Variants in FOXP4 observed in about 807,000 individuals in gnomAD.
FOXP4 encodes the protein forkhead box P4.
A neutral mutation model predicts 82.6 loss-of-function variants in FOXP4; 25 were observed. The observed-to-expected ratio is 0.30, with a 90% confidence interval of 0.22 to 0.42. The LOEUF is 0.42. FOXP4 is among the 10% of genes least tolerant of loss of function. FOXP4 has a pLI of 1.00. For missense variants in FOXP4, 785 were observed against 900.9 expected (o/e 0.87, Z 1.65); for synonymous variants, 415 against 388.2 (o/e 1.07, Z -0.81).
Position 41,565,841 on chromosome 6 carries a change from C to A in FOXP4, c.81C>A (p.Ala27=), listed in dbSNP as rs2104506. The change falls in exon 2 of 17, where the codon GCC becomes GCA. Residue 27 remains alanine (A), a synonymous_variant. Transcript: ENST00000307972. ...GCGTGGGCAGCCTCTCTGGGCAAGC[C>A]GATGGCAGCAGCGGCGGGGCCACAG... The part of the protein sequence containing the change: ...QNGVGSLSGQ[A]DGSSGGATGT... The A allele has an allele frequency of 0.29, 473,593 of 1,613,620 alleles. 71,932 individuals carry two copies. The highest frequency in any genetic ancestry group is 0.47 in the African/African-American group (35,534 of 74,878).
At chr6:41,577,197 C>T (rs1268344582) in intron 2 of FOXP4, among the ~76,000 whole-genome samples, 1 of 152,150 alleles carries the variant, frequency 6.6e-6, no homozygotes, top group Non-Finnish European at 1.5e-5. Flanking sequence ...CAGTCTAAGC[C>T]ACTGTGGCCA....
intron 1 of FOXP4, among the ~76,000 whole-genome samples, chr6:41,552,105 T>C (rs1269188997): frequency 1.3e-5 from 2 of 152,162 alleles, no homozygotes; most frequent in Non-Finnish European, 2.9e-5. Flanking sequence ...GCTTCCGTTC[T>C]CATCTCCTCA....
At chr6:41,587,690 T>G in intron 7 of FOXP4, 103 bp from the exon 8 acceptor site, 1 of 933,648 alleles carries the variant, frequency 1.1e-6, no homozygotes, top group Non-Finnish European at 1.6e-6. Flanking sequence ...AAACCTGTAT[T>G]GGGGCAGAAA....
chr6:41,597,279 C>G (rs774732593), intron 15 of FOXP4, 37 bp downstream of exon 15: 1 of 1,604,818 alleles, frequency 6.2e-7, no homozygotes, highest in Admixed American at 1.7e-5. Flanking sequence ...ACCTCTACCT[C>G]CCGCCCCCTT....
In FOXP4 at chr6:41,546,673, C is replaced by G. The variant is rs6935737; in HGVS notation, c.-211C>G. The G allele has an allele frequency of 0.38, 55,944 of 147,118 alleles. 11,612 individuals are homozygous for G. The highest frequency in any genetic ancestry group is 0.55 in the African/African-American group (22,629 of 41,002). The allele number at this position is 147,118 out of a possible 1,614,324, so 9.1% of individuals were successfully genotyped here. A position where few individuals can be genotyped will look rare whatever the true frequency, so the allele number is the denominator to read the frequency against. ...GCGAGCCAAGCAGCCCACAAAGTGC[C>G]ATGCCCCGGCGGGGTTGAGGCGCGC... is the stretch of plus-strand genomic sequence containing the variant. On this transcript the variant is annotated 5_prime_UTR_variant, in exon 1 of 17. Transcript: ENST00000307972.
chr6:41,548,234 G>T (rs1325690), intron 1 of FOXP4: 11,171 of 152,158 alleles, frequency 0.073, 823 homozygotes, highest in East Asian at 0.18. Context: ...GCACCCCAAC[G>T]TCTAGTCTCC....
At chr6:41,571,729 C>G (rs1234881254) in intron 2 of FOXP4, among the ~76,000 whole-genome samples, 2 of 152,096 alleles carry the variant, frequency 1.3e-5, no homozygotes, top group African/African-American at 2.4e-5. Flanking sequence ...TTTATGGTCT[C>G]CTCTCCCCAC....
At chr6:41,561,326 A>C (rs1008596530) in intron 1 of FOXP4, among the ~76,000 whole-genome samples, 5 of 150,220 alleles carry the variant, frequency 3.3e-5, no homozygotes, top group Admixed American at 2.0e-4. Flanking sequence ...GCTATCTCCC[A>C]TTTGCCCCCA....
chr6:41,598,899 AC>A lies in FOXP4; in HGVS notation c.2008del (p.Leu670TrpfsTer15). 1 of 1,607,614 alleles carries A rather than the reference AC, an allele frequency of 6.2e-7. No individual in the cohort carries two copies. The highest frequency in any genetic ancestry group is 1.1e-5 in the South Asian group (1 of 89,360). ...GCCTCGGGGCCTCCGGAAGACAGGGACCTGGAGGAGGAGCTGCCGGGAGAAG... is the reference window on the plus strand; with the variant it reads ...GCCTCGGGGCCTCCGGAAGACAGGGACTGGAGGAGGAGCTGCCGGGAGAAG... The part of the protein sequence containing the change: ...PSASGPPEDR[D>X]LEEELPGEEL... On this transcript the variant is annotated frameshift_variant, in exon 17 of 17. Coordinates refer to ENST00000307972, the MANE Select transcript of FOXP4 (RefSeq NM_001012426.2). LOFTEE classifies it high-confidence loss of function.
chr6:41,554,526 T>A (rs1764170301), intron 1 of FOXP4, among the ~76,000 whole-genome samples: 1 of 152,064 alleles, frequency 6.6e-6, no homozygotes, highest in Non-Finnish European at 1.5e-5. Flanking sequence ...TCCCCAGTAT[T>A]CCTCAAGGAG....
At position 41,594,854 on chromosome 6, in the gene FOXP4, T is replaced by C. The variant is rs1456373827; in HGVS notation, c.1537-16T>C. ...CAAGCAAGCCGCCTCTGAGCTCCTC[T>C]TCACTGCACCCACAGAACGCCGTGC... is the stretch of plus-strand genomic sequence containing the variant. On this transcript the variant is annotated splice_polypyrimidine_tract_variant and intron_variant, in intron 13 of 16. Coordinates refer to ENST00000307972, the MANE Select transcript of FOXP4 (RefSeq NM_001012426.2). 6.2e-7 allele frequency: 1 copy of C among 1,613,744 alleles called. No homozygotes were observed. The highest frequency in any genetic ancestry group is 1.1e-5 in the South Asian group (1 of 91,080).
chr6:41,560,622 C>T (rs1187991495), intron 1 of FOXP4, among the ~76,000 whole-genome samples: 1 of 152,238 alleles, frequency 6.6e-6, no homozygotes, highest in Non-Finnish European at 1.5e-5. Context: ...AAACTCCGGG[C>T]ATCCATCAGT....
Position 41,590,372 on chromosome 6 carries a change from G to T in FOXP4, c.1434+25G>T, listed in dbSNP as rs774810470. 3 of 1,610,808 alleles carry T rather than the reference G, an allele frequency of 1.9e-6. No homozygotes were observed. In the South Asian group the frequency reaches 3.3e-5, roughly 18 times the overall value. On this transcript the variant is annotated intron_variant, in intron 12 of 16. Coordinates refer to ENST00000307972, the MANE Select transcript of FOXP4 (RefSeq NM_001012426.2). ...GGTGAGCAGGGCAGGTAGGAGGAGG[G>T]TGGGGAATGGCACACAGGCTGCTCC...
chr6:41,586,274 C>T (rs1766111852), intron 5 of FOXP4, among the ~76,000 whole-genome samples: 1 of 152,126 alleles, frequency 6.6e-6, no homozygotes, highest in Non-Finnish European at 1.5e-5. Flanking sequence ...CCAGCCCCCA[C>T]CCTACCCCAT....
rs778609898 is a variant in FOXP4 at position 41,590,342 on chromosome 6, C to T, written c.1429C>T (p.Arg477Cys). 5.6e-6 allele frequency: 9 copies of T among 1,613,726 alleles called. No homozygotes were observed. Among genetic ancestry groups the T allele is most frequent in the East Asian group, 2.2e-5 (1 of 44,894 alleles). The change falls in exon 12 of 17, where the codon CGC becomes TGC. Residue 477 changes from arginine to cysteine, a missense_variant. By Grantham distance (180) the Arg-to-Cys change is radical (BLOSUM62 -3). Around this residue, in one of 3 missense-constraint regions of FOXP4, gnomAD observed 570 missense variants for 634.0 expected, o/e 0.90. Coordinates refer to ENST00000307972, the MANE Select transcript of FOXP4 (RefSeq NM_001012426.2). ...CCCCTTCACCTACGCCTCCCTCATC[C>T]GCCAGGTGAGCAGGGCAGGTAGGAG... ...RPPFTYASLI[R>C]QAILETPDRQ...
At chr6:41,597,755 C>T (rs369370378) in intron 15 of FOXP4, 26 bp from the exon 16 acceptor site, 69 of 1,599,594 alleles carry the variant, frequency 4.3e-5, no homozygotes, top group South Asian at 7.8e-5. Context: ...GAGCCACTGA[C>T]GAGGCCCAAC....
At chr6:41,561,740 G>A (rs1214340227) in intron 1 of FOXP4, among the ~76,000 whole-genome samples, 2 of 152,242 alleles carry the variant, frequency 1.3e-5, no homozygotes, top group African/African-American at 4.8e-5. Flanking sequence ...GTGCCTACCA[G>A]TATTCACTTA....
At chr6:41,568,061 T>C (rs900113411) in intron 2 of FOXP4, among the ~76,000 whole-genome samples, 6 of 152,244 alleles carry the variant, frequency 3.9e-5, no homozygotes, top group African/African-American at 1.4e-4. Context: ...CCATGGGCTA[T>C]TCCTCTGCCC....
intron 2 of FOXP4, among the ~76,000 whole-genome samples, chr6:41,575,564 G>T (rs959768466): frequency 2.6e-5 from 4 of 152,144 alleles, no homozygotes; most frequent in East Asian, 1.9e-4. Context: ...GGGAGGAAGG[G>T]CCTGTCACAG....
Sources: gnomAD v4.1 joint callset for allele counts (sites outside exome capture counted in the v4.1 genomes callset) on GRCh38, gnomAD v4.1.1 for gene constraint, gnomAD v4.1.1 regional missense constraint, MANE v1.5 for transcripts, NCBI Gene and HGNC (gene_info 2026-07-23, HGNC 2026-07-21) for gene names.